Variants in PCDH15 observed in about 807,000 individuals in gnomAD.
PCDH15 encodes the protein protocadherin related 15.
In PCDH15, 129 loss-of-function variants were observed where a neutral mutation model predicts 178.5. The observed-to-expected ratio is 0.72, with a 90% CI of 0.63 to 0.84. The LOEUF (loss-of-function observed/expected upper bound fraction) is 0.84. Ranked by LOEUF, PCDH15 falls within the 40% of genes least tolerant of loss-of-function variation. PCDH15 has a pLI of 0.00. For missense variants in PCDH15, 2,230 were observed against 2,099.9 expected (o/e 1.06, Z -1.21); for synonymous variants, 800 against 732.0 (o/e 1.09, Z -1.50).
chr10:54,581,546 C>T (rs1403277722), intron 2 of PCDH15, among the ~76,000 whole-genome samples: 1 of 151,958 alleles, frequency 6.6e-6, no homozygotes, highest in Non-Finnish European at 1.5e-5. Context: ...GTAAAACTAC[C>T]AATGCCATTT....
At chr10:55,249,008 C>T (rs556194757) in intron 1 of PCDH15, among the ~76,000 whole-genome samples, 1 of 152,168 alleles carries the variant, frequency 6.6e-6, no homozygotes, top group African/African-American at 2.4e-5. Context: ...CATTTAAAGA[C>T]AATGTGGGCA....
intron 3 of PCDH15, among the ~76,000 whole-genome samples, chr10:54,465,097 G>A (rs893396254): frequency 6.6e-6 from 1 of 151,878 alleles, no homozygotes; most frequent in Non-Finnish European, 1.5e-5. Context: ...ATAATTAAAG[G>A]TACATAATAG....
intron 13 of PCDH15, among the ~76,000 whole-genome samples, chr10:54,172,107 C>T (rs1343458386): frequency 6.6e-6 from 1 of 152,142 alleles, no homozygotes; most frequent in South Asian, 2.1e-4. Context: ...GTGACTTGCA[C>T]TTATACGCCC....
chr10:53,828,276 T>C (rs1175616025), intron 31 of PCDH15, among the ~76,000 whole-genome samples: 3 of 145,970 alleles, frequency 2.1e-5, no homozygotes, highest in African/African-American at 7.6e-5. Context: ...ATGTTACAGC[T>C]ACACTGCTGT....
chr10:54,600,736 T>C (rs1470822517), intron 2 of PCDH15: 1 of 512,874 alleles, frequency 1.9e-6, no homozygotes, highest in Admixed American at 2.2e-5. Flanking sequence ...AAAATGCATG[T>C]GATTGACAGC....
chr10:55,061,637 G>T (rs1841435339), intron 2 of PCDH15, among the ~76,000 whole-genome samples: 1 of 152,164 alleles, frequency 6.6e-6, no homozygotes, highest in South Asian at 2.1e-4. Flanking sequence ...TTACCAAAAT[G>T]TGGAAGCAAC....
At chr10:53,837,997 G>T (rs1365741054) in intron 29 of PCDH15, among the ~76,000 whole-genome samples, 7 of 141,598 alleles carry the variant, frequency 4.9e-5, no homozygotes, top group African/African-American at 2.0e-4. Flanking sequence ...TTTATTTAGA[G>T]GCAGAGTCTT....
chr10:54,349,376 A>G (rs1943825312), intron 5 of PCDH15, among the ~76,000 whole-genome samples: 1 of 152,210 alleles, frequency 6.6e-6, no homozygotes, highest in Non-Finnish European at 1.5e-5. Context: ...TTTATATGAC[A>G]GAAATTTGTT....
intron 2 of PCDH15, among the ~76,000 whole-genome samples, chr10:54,918,162 T>C (rs1837391520): frequency 1.3e-5 from 2 of 152,186 alleles, no homozygotes; most frequent in Admixed American, 6.5e-5. Context: ...TGAGAAATTA[T>C]GACCATACGC....
At chr10:55,446,752 T>C (rs933888609) in intron 2 of PCDH15, among the ~76,000 whole-genome samples, 1 of 152,118 alleles carries the variant, frequency 6.6e-6, no homozygotes, top group Non-Finnish European at 1.5e-5. Context: ...CATCTGCCAT[T>C]GCCATGTGAA....
At chr10:54,253,116 G>T (rs11004180) in intron 8 of PCDH15, among the ~76,000 whole-genome samples, 1 of 151,956 alleles carries the variant, frequency 6.6e-6, no homozygotes, top group Non-Finnish European at 1.5e-5. Flanking sequence ...TAGTAAATTC[G>T]ATTGAGGATT....
chr10:54,161,258 C>T (rs1403491067), intron 13 of PCDH15, among the ~76,000 whole-genome samples: 6 of 152,070 alleles, frequency 3.9e-5, no homozygotes, highest in African/African-American at 1.4e-4. Context: ...AGATGAGCTA[C>T]ATAAACATTA....
intron 3 of PCDH15, among the ~76,000 whole-genome samples, chr10:54,524,213 T>G (rs2083157685): frequency 6.6e-6 from 1 of 152,198 alleles, no homozygotes; most frequent in Non-Finnish European, 1.5e-5. Context: ...GATTTACCTT[T>G]CATTTCCCAA....
intron 7 of PCDH15, among the ~76,000 whole-genome samples, chr10:54,327,247 A>C (rs1938330281): frequency 1.3e-5 from 2 of 151,950 alleles, no homozygotes; most frequent in Non-Finnish European, 2.9e-5. Context: ...TAAAAAAGAC[A>C]TTCTACCTTT....
chr10:54,522,696 AAT>A (rs1565497363), intron 3 of PCDH15, among the ~76,000 whole-genome samples: 2 of 152,154 alleles, frequency 1.3e-5, no homozygotes, highest in African/African-American at 4.8e-5. Context: ...ATTCTCACAC[AAT>A]ATAGAGTGTC....
intron 25 of PCDH15, among the ~76,000 whole-genome samples, chr10:53,933,131 T>A (rs1452316959): frequency 6.6e-6 from 1 of 152,046 alleles, no homozygotes; most frequent in Non-Finnish European, 1.5e-5. Context: ...TTAAACCTCT[T>A]TTCTTTAGAA....
intron 2 of PCDH15, among the ~76,000 whole-genome samples, chr10:55,446,963 G>A (rs538525108): frequency 1.3e-5 from 2 of 152,050 alleles, no homozygotes; most frequent in South Asian, 2.1e-4. Context: ...GTATCACAGC[G>A]ACTGCTAACA....
chr10:54,370,217 C>A (rs994527030), intron 4 of PCDH15, among the ~76,000 whole-genome samples: 3 of 151,886 alleles, frequency 2.0e-5, no homozygotes, highest in Non-Finnish European at 4.4e-5. Flanking sequence ...CAAAGTATTT[C>A]TTTGTGATTT....
intron 2 of PCDH15, among the ~76,000 whole-genome samples, chr10:55,008,222 T>A (rs1564711064): frequency 6.6e-6 from 1 of 151,158 alleles, no homozygotes; most frequent in Non-Finnish European, 1.5e-5. Context: ...TCCACTGATA[T>A]ATTCTGGAGC....
Sources: allele counts gnomAD v4.1 joint callset (sites outside exome capture counted in the v4.1 genomes callset), GRCh38; gene constraint gnomAD v4.1.1; transcripts MANE v1.5; gene names NCBI Gene and HGNC (gene_info 2026-07-23, HGNC 2026-07-21).